Variants in TTC23 observed in about 807,000 individuals in gnomAD.
TTC23 encodes the protein tetratricopeptide repeat protein 23.
Under a neutral mutation model 55.1 loss-of-function variants are expected in TTC23, and 58 were observed. That is an observed-to-expected ratio of 1.05 (90% CI 0.85 to 1.31). The LOEUF is 1.31. Among genes scored for constraint, TTC23 ranks in the 50% most tolerant of loss-of-function variants. The pLI is 0.00. For synonymous variants in TTC23, 203 were observed against 199.9 expected, an observed-to-expected ratio of 1.02 and a Z score of -0.13; for missense variants, 516 against 534.4, an observed-to-expected ratio of 0.97 and a Z score of 0.34.
At chr15:99,187,213 A>C (rs1387944824) in intron 9 of TTC23, among the ~76,000 whole-genome samples, 1 of 151,916 alleles carries the variant, frequency 6.6e-6, no homozygotes, top group Non-Finnish European at 1.5e-5. Context: ...TGGTGAAAGG[A>C]TAGTCCTTTC....
At chr15:99,195,825 C>G (rs2075650272) in intron 9 of TTC23, among the ~76,000 whole-genome samples, 1 of 149,508 alleles carries the variant, frequency 6.7e-6, no homozygotes, top group East Asian at 2.0e-4. Flanking sequence ...GGGGCTATAT[C>G]TTTGTACATG....
chr15:99,247,194 T>C (rs1256339878), intron 1 of TTC23, among the ~76,000 whole-genome samples: 1 of 152,072 alleles, frequency 6.6e-6, no homozygotes, highest in Non-Finnish European at 1.5e-5. Flanking sequence ...TGTGGACAAA[T>C]TGGAACCCTC....
rs2069973776 is a variant in TTC23, at chr15:99,152,708, T to C, written c.1143+3440A>G. Among the ~76,000 whole-genome samples, 3 of 152,184 alleles carry C rather than the reference T, an allele frequency of 2.0e-5. No homozygotes were observed. In the South Asian group the frequency reaches 6.2e-4, roughly 32 times the overall value. On this transcript the variant is annotated intron_variant, in intron 12 of 13. Coordinates refer to ENST00000394132, the MANE Select transcript of TTC23 (RefSeq NM_001288615.3). Reference sequence around the variant, plus strand: ...TTATAGCAATGCAAGAATGGCCTAATACACCACCTCTTAGGGTTACTGTAG... The same window carrying C: ...TTATAGCAATGCAAGAATGGCCTAACACACCACCTCTTAGGGTTACTGTAG...
chr15:99,219,503 AT>A (rs909102069), intron 6 of TTC23, among the ~76,000 whole-genome samples: 1 of 152,174 alleles, frequency 6.6e-6, no homozygotes, highest in Non-Finnish European at 1.5e-5. Flanking sequence ...TCAGAGAGTT[AT>A]TTTTTTAACA....
At chr15:99,201,212 G>A (rs546732470) in intron 8 of TTC23, among the ~76,000 whole-genome samples, 38 of 152,208 alleles carry the variant, frequency 2.5e-4, no homozygotes, top group African/African-American at 6.7e-4. Context: ...GTGGCAGTGC[G>A]AAAATATTTC....
chr15:99,205,801 A>AT (rs934367903), intron 8 of TTC23, among the ~76,000 whole-genome samples: 28 of 151,932 alleles, frequency 1.8e-4, no homozygotes, highest in African/African-American at 6.5e-4. Context: ...TCATTTATTT[A>AT]TTTTTTCTTG....
intron 8 of TTC23, among the ~76,000 whole-genome samples, chr15:99,211,901 ACC>A (rs2077068268): frequency 6.6e-6 from 1 of 152,066 alleles, no homozygotes; most frequent in Non-Finnish European, 1.5e-5. Context: ...CACCATGTTG[ACC>A]AGGCTGGTCT....
At chr15:99,235,230 A>G (rs2079216746) in intron 3 of TTC23, 150 bp from the exon 4 acceptor site, 1 of 152,204 alleles carries the variant, frequency 6.6e-6, no homozygotes, top group Non-Finnish European at 1.5e-5. Flanking sequence ...CCTGAGAGAC[A>G]GAGGAAGACA....
intron 6 of TTC23, among the ~76,000 whole-genome samples, chr15:99,221,339 G>A (rs1261644447): frequency 6.6e-6 from 1 of 152,076 alleles, no homozygotes; most frequent in African/African-American, 2.4e-5. Context: ...ATGCCAATTT[G>A]GGTTAGTCTT....
At chr15:99,226,866 C>G (rs1223954) in intron 5 of TTC23, among the ~76,000 whole-genome samples, 3 of 151,980 alleles carry the variant, frequency 2.0e-5, no homozygotes, top group Admixed American at 6.6e-5. Flanking sequence ...TATAATAATC[C>G]GGTTCATTTA....
In TTC23 at chr15:99,241,358, C is replaced by G. The variant is rs2079783060; in HGVS notation, c.-114+7G>C. On this transcript the variant is annotated splice_region_variant and intron_variant, in intron 3 of 13. Transcript: ENST00000394132. Reference sequence around the variant, plus strand: ...CAAACAAAAAACATGCTTCTCAGTTCACTTACTTTGAGTTACATGCTTATC... The same window carrying G: ...CAAACAAAAAACATGCTTCTCAGTTGACTTACTTTGAGTTACATGCTTATC... 6.5e-6 allele frequency: 1 copy of G among 153,142 alleles called. No individual in the cohort carries two copies. Among genetic ancestry groups the G allele is most frequent in the East Asian group, 1.9e-4 (1 of 5,228 alleles). 9.5% of individuals were successfully genotyped at this position (153,142 alleles called of 1,614,324 possible). A position where few individuals can be genotyped will look rare whatever the true frequency, so the allele number is the denominator to read the frequency against.
chr15:99,185,386 A>G (rs1366985112), intron 9 of TTC23, among the ~76,000 whole-genome samples: 1 of 152,182 alleles, frequency 6.6e-6, no homozygotes, highest in African/African-American at 2.4e-5. Flanking sequence ...CCCAGGCCTG[A>G]CCAAGGCCAG....
At chr15:99,194,764 C>T (rs1417223263) in intron 9 of TTC23, among the ~76,000 whole-genome samples, 6 of 152,042 alleles carry the variant, frequency 3.9e-5, no homozygotes, top group Admixed American at 2.0e-4. Context: ...GGAGAAACCC[C>T]GTCTCTACTA....
chr15:99,247,736 T>TTAGGATGATGAAAATTTTCTAAATTTTC lies in TTC23; in HGVS notation c.-431+1407_-431+1434dup, dbSNP rs1393483563. Among the ~76,000 whole-genome samples, 47 of 54,670 alleles carry TTAGGATGATGAAAATTTTCTAAATTTTC rather than the reference T, an allele frequency of 8.6e-4. 10 individuals are homozygous for TTAGGATGATGAAAATTTTCTAAATTTTC. Among genetic ancestry groups the TTAGGATGATGAAAATTTTCTAAATTTTC allele is most frequent in the Middle Eastern group, 0.013 (1 of 78 alleles). The allele number at this position is 54,670 out of a possible 152,430, so 35.9% of individuals were successfully genotyped here. A position where few individuals can be genotyped will look rare whatever the true frequency, so the allele number is the denominator to read the frequency against. On this transcript the variant is annotated intron_variant, in intron 1 of 13. Coordinates refer to ENST00000394132, the MANE Select transcript of TTC23 (RefSeq NM_001288615.3). ...CTGCAAATGGGCACAAAGTATTTTT[T>TTAGGATGATGAAAATTTTCTAAATTTTC]TAGGATGATGAAAATTTTCTAAATT... is the stretch of plus-strand genomic sequence containing the variant.
At chr15:99,184,366 A>G (rs932997461) in intron 9 of TTC23, among the ~76,000 whole-genome samples, 2 of 152,196 alleles carry the variant, frequency 1.3e-5, no homozygotes, top group African/African-American at 4.8e-5. Flanking sequence ...AGCCCATGGA[A>G]GCAGCCAAGA....
chr15:99,238,981 G>A (rs113862580), intron 3 of TTC23, among the ~76,000 whole-genome samples: 1,641 of 152,212 alleles, frequency 0.011, 35 homozygotes, highest in Middle Eastern at 0.034. Context: ...CCTGAGCTAG[G>A]GGGAAAGTAA....
chr15:99,168,511 G>A (rs927776078), intron 10 of TTC23, among the ~76,000 whole-genome samples: 9 of 152,192 alleles, frequency 5.9e-5, no homozygotes, highest in Non-Finnish European at 4.4e-5. Context: ...AAGCCAAGTC[G>A]GGGTGTAAGT....
intron 12 of TTC23, among the ~76,000 whole-genome samples, chr15:99,146,564 G>T (rs2068883948): frequency 6.6e-6 from 1 of 152,246 alleles, no homozygotes; most frequent in East Asian, 1.9e-4. Flanking sequence ...CCTCAGGCCA[G>T]GATGGTCTGT....
At chr15:99,228,482 C>G (rs774977252) in intron 5 of TTC23, 51 bp downstream of exon 5, 1 of 1,472,146 alleles carries the variant, frequency 6.8e-7, no homozygotes, top group African/African-American at 1.4e-5. Flanking sequence ...CTTGATTATA[C>G]CATATAGCTC....
Sources: gnomAD v4.1 joint callset for allele counts (sites outside exome capture counted in the v4.1 genomes callset) on GRCh38, gnomAD v4.1.1 for gene constraint, MANE v1.5 for transcripts, NCBI Gene and HGNC (gene_info 2026-07-23, HGNC 2026-07-21) for gene names.